The following GNB4 variants were observed in gnomAD, a reference collection of about 807,000 sequenced individuals.
GNB4 encodes G protein subunit beta 4.
Under a neutral mutation model 45.2 loss-of-function variants are expected in GNB4, and 28 were observed. The ratio of observed to expected loss-of-function variants is 0.62; its 90% CI spans 0.46 to 0.85. The LOEUF (loss-of-function observed/expected upper bound fraction) is 0.85, where lower values mean the gene tolerates loss of function less well. Among genes scored for constraint, GNB4 ranks in the 40% least tolerant of loss-of-function variants. The probability of loss-of-function intolerance (pLI) is 0.00; values close to 1 mark genes in which losing one functional copy is unlikely to be tolerated. For missense variants in GNB4, 321 were observed against 425.4 expected, an observed-to-expected ratio of 0.75 and a Z score of 2.16; for synonymous variants, 132 against 143.7, an observed-to-expected ratio of 0.92 and a Z score of 0.58.
the GNB4 span, among the ~76,000 whole-genome samples, chr3:179,527,078 G>C: frequency 6.6e-6 from 1 of 152,164 alleles, no homozygotes; most frequent in Non-Finnish European, 1.5e-5. Flanking sequence ...AGTGAAAGCA[G>C]GCCACAGCTG....
chr3:179,523,024 A>G, the GNB4 span, among the ~76,000 whole-genome samples: 2 of 151,980 alleles, frequency 1.3e-5, no homozygotes, highest in Admixed American at 1.3e-4. Context: ...TTTAGGATCT[A>G]TGGGGTCAGC....
the GNB4 span, among the ~76,000 whole-genome samples, chr3:179,483,640 A>C: frequency 2.6e-5 from 4 of 152,130 alleles, no homozygotes; most frequent in African/African-American, 9.7e-5. Flanking sequence ...AAGGCAAAAA[A>C]ATCTGTGACA....
At chr3:179,418,467 T>C (rs1714868679) in intron 4 of GNB4, among the ~76,000 whole-genome samples, 1 of 83,840 alleles carries the variant, frequency 1.2e-5, no homozygotes, top group Non-Finnish European at 2.5e-5. Context: ...TGAAACTCTG[T>C]CTCAAAAAAA....
intron 1 of GNB4, among the ~76,000 whole-genome samples, chr3:179,443,374 A>G (rs142609654): frequency 5.3e-4 from 81 of 152,234 alleles, no homozygotes; most frequent in African/African-American, 1.6e-3. Flanking sequence ...CCCCATCTCT[A>G]CTAAAAATAC....
chr3:179,490,416 T>C, the GNB4 span, among the ~76,000 whole-genome samples: 1 of 152,116 alleles, frequency 6.6e-6, no homozygotes, highest in Non-Finnish European at 1.5e-5. Context: ...GATAGGTACG[T>C]AGGTAGGTAG....
At chr3:179,505,933 A>G in the GNB4 span, among the ~76,000 whole-genome samples, 1 of 152,364 alleles carries the variant, frequency 6.6e-6, no homozygotes, top group Non-Finnish European at 1.5e-5. Flanking sequence ...TTTGTAAGCC[A>G]CTGAGATTTC....
At chr3:179,416,591 A>G (rs1356786196) in intron 4 of GNB4, 35 bp from the exon 5 acceptor site, 1 of 1,380,230 alleles carries the variant, frequency 7.2e-7, no homozygotes, top group South Asian at 1.3e-5. Flanking sequence ...TTTGACACTT[A>G]GAGGGAAAAA....
chr3:179,442,738 G>A (rs529738601), intron 1 of GNB4, among the ~76,000 whole-genome samples: 3 of 151,322 alleles, frequency 2.0e-5, no homozygotes, highest in South Asian at 2.1e-4. Flanking sequence ...AACGATCTCC[G>A]ACCTCAGCCT....
At chr3:179,462,973 T>A in the GNB4 span, among the ~76,000 whole-genome samples, 1 of 151,718 alleles carries the variant, frequency 6.6e-6, no homozygotes, top group African/African-American at 2.4e-5. Flanking sequence ...CAGAAGGGAG[T>A]AAACAAGAGC....
At chr3:179,442,208 TTA>T (rs1052977483) in intron 1 of GNB4, among the ~76,000 whole-genome samples, 2 of 152,196 alleles carry the variant, frequency 1.3e-5, no homozygotes, top group African/African-American at 4.8e-5. Flanking sequence ...AACCAAATGT[TTA>T]TGAGAATGTG....
the GNB4 span, among the ~76,000 whole-genome samples, chr3:179,496,289 A>G: frequency 2.0e-5 from 3 of 152,170 alleles, no homozygotes; most frequent in Non-Finnish European, 4.4e-5. Flanking sequence ...GCCTTATGGT[A>G]ACAATAAAGC....
At chr3:179,452,394 C>A (rs2108627594), upstream of GNB4, 1 of 152,240 alleles carries the variant, frequency 6.6e-6, no homozygotes, top group Non-Finnish European at 1.5e-5. Context: ...TATAGCATTC[C>A]TTCTCTGACG....
At chr3:179,458,094 G>A in the GNB4 span, among the ~76,000 whole-genome samples, 24 of 152,010 alleles carry the variant, frequency 1.6e-4, no homozygotes, top group Non-Finnish European at 3.2e-4. Context: ...CAGTACAGAC[G>A]GGGTTTCACC....
intron 1 of GNB4, chr3:179,451,090 A>G (rs1715860132): frequency 6.6e-6 from 1 of 151,932 alleles, no homozygotes; most frequent in Non-Finnish European, 1.5e-5. Context: ...AGCGGTCTGG[A>G]CCGCCCGGGA....
At chr3:179,499,681 T>C in the GNB4 span, among the ~76,000 whole-genome samples, 16,861 of 152,266 alleles carry the variant, frequency 0.11, 1,252 homozygotes, top group East Asian at 0.33. Flanking sequence ...TCTTCCACAA[T>C]GGTCGAACTA....
At chr3:179,489,019 A>AATAT in the GNB4 span, among the ~76,000 whole-genome samples, 1,072 of 21,340 alleles carry the variant, frequency 0.05, 54 homozygotes, top group Non-Finnish European at 0.061. Flanking sequence ...AAAAAAAAAA[A>AATAT]ATATATATAT....
In GNB4 at chr3:179,420,868, TAAAG is replaced by T. The variant is rs1388221736; in HGVS notation, c.96+17_96+20del. ...TATTTTATGAGTTACCAAAATGAAATAAAGAAAAACAAAACTTTACCTGAACAAG... is the reference window on the plus strand; with the variant it reads ...TATTTTATGAGTTACCAAAATGAAATAAAAACAAAACTTTACCTGAACAAG... On this transcript the variant is annotated intron_variant, in intron 3 of 9. Coordinates refer to ENST00000232564, the MANE Select transcript of GNB4 (RefSeq NM_021629.4). 7 of 1,511,938 alleles carry T rather than the reference TAAAG, an allele frequency of 4.6e-6. No individual in the cohort carries two copies. Among genetic ancestry groups the T allele is most frequent in the Non-Finnish European group, 6.4e-6 (7 of 1,091,418 alleles). The allele number at this position is 1,511,938 out of a possible 1,614,324, so 93.7% of individuals were successfully genotyped here.
chr3:179,517,080 A>G, the GNB4 span, among the ~76,000 whole-genome samples: 87,395 of 152,000 alleles, frequency 0.57, 25,640 homozygotes, highest in African/African-American at 0.68. Context: ...GTCAGGCCTC[A>G]GAGCCCAAGC....
At chr3:179,526,538 C>T in the GNB4 span, among the ~76,000 whole-genome samples, 1 of 152,312 alleles carries the variant, frequency 6.6e-6, no homozygotes, top group Non-Finnish European at 1.5e-5. Context: ...AGTTTCTGGG[C>T]CAATAAAGCT....
Sources: gnomAD v4.1 joint callset for allele counts (sites outside exome capture counted in the v4.1 genomes callset) on GRCh38, gnomAD v4.1.1 for gene constraint, MANE v1.5 for transcripts, NCBI Gene and HGNC (gene_info 2026-07-23, HGNC 2026-07-21) for gene names.